The following MKLN1 variants were observed in gnomAD, a reference collection of about 807,000 sequenced individuals.
MKLN1 encodes the protein muskelin 1.
In MKLN1, 18 loss-of-function variants were observed where a neutral mutation model predicts 99.0. The observed-to-expected ratio is 0.18, with a 90% CI of 0.13 to 0.27. MKLN1 has a LOEUF of 0.27. Among genes scored for constraint, MKLN1 ranks in the 10% least tolerant of loss-of-function variants. The pLI, the probability that MKLN1 is intolerant of heterozygous loss-of-function variation, is 1.00. For synonymous variants in MKLN1, 288 were observed against 293.2 expected (o/e 0.98, Z 0.18); for missense variants, 621 against 875.9 (o/e 0.71, Z 3.67).
intron 2 of MKLN1, among the ~76,000 whole-genome samples, chr7:131,148,484 A>G (rs1260153466): frequency 6.6e-6 from 1 of 152,170 alleles, no homozygotes; most frequent in African/African-American, 2.4e-5. Flanking sequence ...GGATTGAAAA[A>G]CCATTCAGGG....
intron 3 of MKLN1, among the ~76,000 whole-genome samples, chr7:131,254,988 C>A (rs1364162000): frequency 6.6e-6 from 1 of 152,106 alleles, no homozygotes; most frequent in Middle Eastern, 3.4e-3. Context: ...ACCTCCTGGG[C>A]TCAAGGGATC....
chr7:131,426,700 G>T (rs889660931), intron 8 of MKLN1, among the ~76,000 whole-genome samples: 7 of 151,480 alleles, frequency 4.6e-5, no homozygotes, highest in Non-Finnish European at 1.0e-4. Flanking sequence ...TCATTTTTAT[G>T]TATATTTTAA....
At chr7:131,411,266 AGT>A in intron 6 of MKLN1, 38 bp from the exon 7 acceptor site, 1 of 1,199,300 alleles carries the variant, frequency 8.3e-7, no homozygotes, top group East Asian at 2.4e-5. Flanking sequence ...TAATGTAAGT[AGT>A]TAAGGTGTAA....
chr7:131,424,025 TAAG>T (rs1795280726), intron 8 of MKLN1, among the ~76,000 whole-genome samples: 2 of 152,170 alleles, frequency 1.3e-5, no homozygotes, highest in East Asian at 3.8e-4. Flanking sequence ...GGGGATGGCT[TAAG>T]AAGGGAAAGG....
chr7:131,116,073 A>C (rs1795273578), intron 1 of MKLN1, among the ~76,000 whole-genome samples: 1 of 152,174 alleles, frequency 6.6e-6, no homozygotes. Flanking sequence ...TGGGATGCCG[A>C]GGCGGGCAGA....
intron 3 of MKLN1, among the ~76,000 whole-genome samples, chr7:131,388,122 G>A (rs547444669): frequency 7.4e-4 from 113 of 152,206 alleles, no homozygotes; most frequent in Admixed American, 3.8e-3. Context: ...AGCCAAGATC[G>A]CACCACTGCA....
upstream of MKLN1, chr7:131,327,453 G>C (rs909202541): frequency 1.9e-5 from 3 of 161,504 alleles, no homozygotes; most frequent in African/African-American, 7.2e-5. Flanking sequence ...CTGCCCTCCA[G>C]CTCCCTTCAG....
intron 8 of MKLN1, among the ~76,000 whole-genome samples, chr7:131,422,656 C>T (rs1395259485): frequency 2.6e-5 from 4 of 152,124 alleles, no homozygotes; most frequent in African/African-American, 4.8e-5. Context: ...ATTGTTGCTT[C>T]CCGGTGTCTC....
At chr7:131,458,592 T>C (rs929817445) in intron 12 of MKLN1, among the ~76,000 whole-genome samples, 1 of 152,160 alleles carries the variant, frequency 6.6e-6, no homozygotes, top group Non-Finnish European at 1.5e-5. Context: ...TTGATTTTCT[T>C]TCTAACTTCC....
At chr7:131,448,121 G>A (rs172809) in intron 12 of MKLN1, among the ~76,000 whole-genome samples, 4 of 152,098 alleles carry the variant, frequency 2.6e-5, no homozygotes, top group African/African-American at 7.2e-5. Flanking sequence ...CCAGCTACTC[G>A]GGAGGCTGAG....
chr7:131,261,440 A>G (rs943813972), intron 3 of MKLN1, among the ~76,000 whole-genome samples: 2 of 152,200 alleles, frequency 1.3e-5, no homozygotes, highest in Admixed American at 1.3e-4. Flanking sequence ...TAAAACCACA[A>G]TGAGACCCCA....
chr7:131,283,444 T>G (rs1191974270), intron 3 of MKLN1, among the ~76,000 whole-genome samples: 1 of 148,326 alleles, frequency 6.7e-6, no homozygotes, highest in Non-Finnish European at 1.5e-5. Flanking sequence ...TTTTTTTTTT[T>G]TTTGAGACAG....
chr7:131,479,278 A>G (rs1797053455), intron 17 of MKLN1, among the ~76,000 whole-genome samples: 1 of 152,024 alleles, frequency 6.6e-6, no homozygotes. Flanking sequence ...GCTCACACCT[A>G]TAATCGTAGC....
intron 3 of MKLN1, among the ~76,000 whole-genome samples, chr7:131,283,735 C>T (rs951287982): frequency 2.0e-5 from 3 of 151,598 alleles, no homozygotes; most frequent in African/African-American, 7.3e-5. Context: ...TGTGCCCGGC[C>T]GAGAAGGCCC....
At chr7:131,362,178 C>T (rs989747715) in intron 1 of MKLN1, among the ~76,000 whole-genome samples, 15 of 151,902 alleles carry the variant, frequency 9.9e-5, no homozygotes, top group African/African-American at 2.9e-4. Context: ...TGTTGCTTAA[C>T]GACTGGGATG....
intron 3 of MKLN1, 42 bp from the exon 4 acceptor site, chr7:131,388,842 A>T: frequency 7.4e-7 from 1 of 1,348,690 alleles, no homozygotes; most frequent in Non-Finnish European, 1.0e-6. Context: ...GCATTTACTA[A>T]ATTATGAAGT....
intron 3 of MKLN1, among the ~76,000 whole-genome samples, chr7:131,236,665 A>C (rs1797325981): frequency 6.6e-6 from 1 of 152,112 alleles, no homozygotes; most frequent in Admixed American, 6.6e-5. Flanking sequence ...CATCTCAAAA[A>C]AAAATTTTAA....
At chr7:131,264,002 C>T (rs1175841981) in intron 3 of MKLN1, among the ~76,000 whole-genome samples, 1 of 152,158 alleles carries the variant, frequency 6.6e-6, no homozygotes, top group African/African-American at 2.4e-5. Flanking sequence ...GAGGCTTTTC[C>T]TTCTGTATGG....
intron 3 of MKLN1, among the ~76,000 whole-genome samples, chr7:131,322,662 C>A (rs973206116): frequency 6.6e-6 from 1 of 150,754 alleles, no homozygotes; most frequent in Non-Finnish European, 1.5e-5. Context: ...GCTCCGCTTC[C>A]CGGGTTCACG....
Sources: allele counts gnomAD v4.1 joint callset (sites outside exome capture counted in the v4.1 genomes callset), GRCh38; gene constraint gnomAD v4.1.1; transcripts MANE v1.5; gene names NCBI Gene and HGNC (gene_info 2026-07-23, HGNC 2026-07-21).